Variants in LUZP2 observed in about 807,000 individuals in gnomAD.
LUZP2 encodes the protein leucine zipper protein 2.
A neutral mutation model predicts 51.6 loss-of-function variants in LUZP2; 52 were observed. The ratio of observed to expected loss-of-function variants is 1.01; its 90% CI spans 0.81 to 1.27. The LOEUF is 1.27. Ranked by LOEUF, LUZP2 falls within the 50% of genes most tolerant of loss-of-function variation. LUZP2 has a pLI of 0.00. For synonymous variants in LUZP2, 154 were observed against 137.3 expected, an observed-to-expected ratio of 1.12 and a Z score of -0.85; for missense variants, 436 against 395.4, an observed-to-expected ratio of 1.10 and a Z score of -0.87.
At chr11:24,628,882 A>T (rs1338406039) in intron 1 of LUZP2, among the ~76,000 whole-genome samples, 2 of 152,098 alleles carry the variant, frequency 1.3e-5, no homozygotes, top group East Asian at 3.9e-4. Context: ...ATACAGGTGA[A>T]TAAAGATAAG....
At chr11:24,851,505 C>A (rs370243027) in intron 5 of LUZP2, among the ~76,000 whole-genome samples, 31 of 152,158 alleles carry the variant, frequency 2.0e-4, no homozygotes, top group African/African-American at 7.2e-4. Context: ...TTCAGTTTGC[C>A]AGTATTTTAT....
intron 5 of LUZP2, chr11:24,892,468 G>C (rs889888341): frequency 2.4e-6 from 2 of 839,866 alleles, no homozygotes; most frequent in Non-Finnish European, 2.9e-6. Context: ...TCCAGAAAAA[G>C]TTAAAATATA....
intron 1 of LUZP2, among the ~76,000 whole-genome samples, chr11:24,697,905 C>T (rs1278120079): frequency 6.6e-6 from 1 of 152,100 alleles, no homozygotes; most frequent in African/African-American, 2.4e-5. Context: ...CCATGACTCA[C>T]ACTAAGGAAC....
intron 1 of LUZP2, among the ~76,000 whole-genome samples, chr11:24,518,165 A>G (rs547284953): frequency 6.8e-4 from 104 of 152,260 alleles, no homozygotes; most frequent in African/African-American, 2.3e-3. Context: ...AGTGTTAGGT[A>G]TGACCTCATT....
At chr11:24,783,323 G>A (rs1027168261) in intron 5 of LUZP2, among the ~76,000 whole-genome samples, 3 of 151,832 alleles carry the variant, frequency 2.0e-5, no homozygotes, top group African/African-American at 7.3e-5. Flanking sequence ...ACTGCTACTA[G>A]GGGCTTTCAA....
At chr11:25,007,679 G>C (rs957946628) in intron 9 of LUZP2, among the ~76,000 whole-genome samples, 1 of 152,098 alleles carries the variant, frequency 6.6e-6, no homozygotes, top group African/African-American at 2.4e-5. Flanking sequence ...CTGTAATCTG[G>C]TTTCAGAGTT....
intron 7 of LUZP2, among the ~76,000 whole-genome samples, chr11:24,958,242 A>C (rs2133873758): frequency 6.6e-6 from 1 of 152,278 alleles, no homozygotes; most frequent in East Asian, 1.9e-4. Context: ...TAGCAGCATG[A>C]TTTATAGTCC....
At chr11:24,712,121 A>G (rs1857850245) in intron 1 of LUZP2, among the ~76,000 whole-genome samples, 1 of 152,178 alleles carries the variant, frequency 6.6e-6, no homozygotes, top group South Asian at 2.1e-4. Context: ...AGACCTTGTT[A>G]TAAACTGTGC....
At chr11:24,555,612 A>G (rs1032651319) in intron 1 of LUZP2, among the ~76,000 whole-genome samples, 2 of 152,202 alleles carry the variant, frequency 1.3e-5, no homozygotes, top group African/African-American at 4.8e-5. Flanking sequence ...GAGACATTGC[A>G]TGAAATAAAT....
intron 5 of LUZP2, among the ~76,000 whole-genome samples, chr11:24,812,035 G>C (rs1346189058): frequency 9.9e-5 from 15 of 152,148 alleles, no homozygotes. Context: ...CCCTATGATT[G>C]AAGAATTATT....
At chr11:24,795,237 A>G (rs1849515957) in intron 5 of LUZP2, among the ~76,000 whole-genome samples, 1 of 152,094 alleles carries the variant, frequency 6.6e-6, no homozygotes, top group Non-Finnish European at 1.5e-5. Context: ...TTATGTATCA[A>G]TGATTTTAGA....
intron 1 of LUZP2, among the ~76,000 whole-genome samples, chr11:24,664,227 G>C (rs1417882710): frequency 6.6e-6 from 1 of 152,126 alleles, no homozygotes; most frequent in Admixed American, 6.5e-5. Context: ...CTAGAGACTT[G>C]TTAAATGGCT....
intron 1 of LUZP2, among the ~76,000 whole-genome samples, chr11:24,703,949 A>G (rs1227053941): frequency 1.3e-5 from 2 of 152,212 alleles, no homozygotes; most frequent in Non-Finnish European, 2.9e-5. Flanking sequence ...ATAACCACAT[A>G]GATGTAAGGT....
intron 1 of LUZP2, among the ~76,000 whole-genome samples, chr11:24,518,869 C>T (rs751885051): frequency 6.6e-6 from 1 of 152,194 alleles, no homozygotes; most frequent in Non-Finnish European, 1.5e-5. Flanking sequence ...AGTTCCCAAT[C>T]AAGTCTATTT....
chr11:24,622,876 AT>A (rs1179040769), intron 1 of LUZP2, among the ~76,000 whole-genome samples: 1 of 152,188 alleles, frequency 6.6e-6, no homozygotes, highest in Non-Finnish European at 1.5e-5. Context: ...TCCTCAAATA[AT>A]TTTTAGGCAA....
chr11:24,652,392 T>C (rs887135237), intron 1 of LUZP2, among the ~76,000 whole-genome samples: 1 of 152,038 alleles, frequency 6.6e-6, no homozygotes, highest in Non-Finnish European at 1.5e-5. Flanking sequence ...TTATTCAAAA[T>C]TGGAGAATTC....
chr11:24,537,484 G>A (rs1321757022), intron 1 of LUZP2, among the ~76,000 whole-genome samples: 1 of 151,788 alleles, frequency 6.6e-6, no homozygotes, highest in African/African-American at 2.4e-5. Flanking sequence ...AAACAATATT[G>A]AAACTATATA....
chr11:25,046,973 A>G (rs113752079), intron 9 of LUZP2, among the ~76,000 whole-genome samples: 14 of 152,214 alleles, frequency 9.2e-5, no homozygotes, highest in African/African-American at 3.1e-4. Context: ...AGAATAATGG[A>G]TGTGTTTTAT....
At chr11:24,677,849 A>G (rs1372748591) in intron 1 of LUZP2, among the ~76,000 whole-genome samples, 3 of 152,090 alleles carry the variant, frequency 2.0e-5, no homozygotes, top group African/African-American at 7.2e-5. Context: ...GGAGATCGAT[A>G]CCATGATGAA....
Sources: allele counts gnomAD v4.1 joint callset (sites outside exome capture counted in the v4.1 genomes callset), GRCh38; gene constraint gnomAD v4.1.1; transcripts MANE v1.5; gene names NCBI Gene and HGNC (gene_info 2026-07-23, HGNC 2026-07-21).